HEXB: variants seen among roughly 807,000 people sequenced by gnomAD.
HEXB encodes beta-hexosaminidase subunit beta.
Under a neutral mutation model 71.2 loss-of-function variants are expected in HEXB, and 51 were observed. The observed-to-expected ratio is 0.72, with a 90% confidence interval of 0.57 to 0.90. The LOEUF (loss-of-function observed/expected upper bound fraction) is 0.90, where lower values mean the gene tolerates loss of function less well. HEXB is among the 40% of genes least tolerant of loss of function. The pLI, the probability that HEXB is intolerant of heterozygous loss-of-function variation, is 0.00. For missense variants in HEXB, 617 were observed against 677.0 expected, an observed-to-expected ratio of 0.91 and a Z score of 0.98; for synonymous variants, 266 against 249.3, an observed-to-expected ratio of 1.07 and a Z score of -0.63.
chr5:74,716,429 T>TA (rs971654753), intron 8 of HEXB, among the ~76,000 whole-genome samples, 158 bp from the exon 9 acceptor site: 1 of 152,232 alleles, frequency 6.6e-6, no homozygotes, highest in African/African-American at 2.4e-5. Context: ...AATGGATAAT[T>TA]AAGATAACTT....
At chr5:74,644,605 A>T (rs7721318) in intron 1 of HEXB, among the ~76,000 whole-genome samples, 125,154 of 152,070 alleles carry the variant, frequency 0.82, 52,031 homozygotes, top group African/African-American at 0.95. Flanking sequence ...ATTTTATAAA[A>T]CAGTTATCAC....
At chr5:74,716,082 C>T (rs1455965883) in intron 8 of HEXB, among the ~76,000 whole-genome samples, 1 of 150,176 alleles carries the variant, frequency 6.7e-6, no homozygotes, top group Non-Finnish European at 1.5e-5. Flanking sequence ...CTGTAGAGGG[C>T]TCCACACCAT....
Position 74,652,633 on chromosome 5 carries a change from T to C in HEXB, c.-377+12075T>C, listed in dbSNP as rs1748140309. ...TTTGGTGGAAACTTCATTTGAGTCA[T>C]GTAAGGGATTCCCTCCCTTACCCCC... is the stretch of plus-strand genomic sequence containing the variant. On this transcript the variant is annotated intron_variant, in intron 1 of 13. Coordinates refer to the HEXB transcript ENST00000511181. The surrounding 1 kb of genome is among the most constrained non-coding windows in gnomAD (Gnocchi z 5.4). Among the ~76,000 whole-genome samples the C allele has an allele frequency of 6.6e-6, 1 of 152,312 alleles. No individual in the cohort carries two copies. The highest frequency in any genetic ancestry group is 2.1e-4 in the South Asian group (1 of 4,818).
Position 74,644,121 on chromosome 5 carries a change from C to T in HEXB, c.-377+3563C>T, listed in dbSNP as rs541296153. ...ACACCTCCCAGTAGCACATATGTTG[C>T]GATCAACATCCCTGAAGGGGAAGGG... On this transcript the variant is annotated intron_variant, in intron 1 of 13. Transcript: ENST00000511181. Among the ~76,000 whole-genome samples the T allele has an allele frequency of 6.2e-4, 95 of 152,258 alleles. 2 individuals carry two copies. The highest frequency in any genetic ancestry group is 2.2e-3 in the African/African-American group (90 of 41,530).
intron 5 of HEXB, among the ~76,000 whole-genome samples, chr5:74,699,057 C>T (rs563085578): frequency 2.0e-5 from 3 of 151,840 alleles, no homozygotes; most frequent in South Asian, 2.1e-4. Flanking sequence ...TGGTGGTGCA[C>T]GCCTGTAATT....
At chr5:74,661,551 GTGTGTGTGTGTGTCTCTCTC>G (rs1485181418) in intron 1 of HEXB, among the ~76,000 whole-genome samples, 9 of 63,636 alleles carry the variant, frequency 1.4e-4, no homozygotes, top group Admixed American at 7.8e-4. Flanking sequence ...GTGTGTGTGT[GTGTGTGTGTGTGTCTCTCTC>G]TCTCTCTCTC....
intron 7 of HEXB, among the ~76,000 whole-genome samples, chr5:74,713,909 T>C (rs1452497386): frequency 6.6e-6 from 1 of 151,964 alleles, no homozygotes; most frequent in Non-Finnish European, 1.5e-5. Flanking sequence ...GGCATGATTT[T>C]GGCTCACTAC....
chr5:74,699,475 A>T (rs565312124), intron 5 of HEXB, among the ~76,000 whole-genome samples: 1 of 152,090 alleles, frequency 6.6e-6, no homozygotes, highest in South Asian at 2.1e-4. Flanking sequence ...GGGTTTCACC[A>T]TGTTGGTCAG....
chr5:74,697,812 T>G (rs900907126), intron 5 of HEXB, among the ~76,000 whole-genome samples: 17 of 151,732 alleles, frequency 1.1e-4, no homozygotes, highest in African/African-American at 4.1e-4. Flanking sequence ...CACCTCTTAC[T>G]TTTTTTGTAA....
rs1749746960 is a variant in HEXB at position 74,719,101 on chromosome 5, T to C, written c.1417+130T>C. 13 of 795,026 alleles carry C rather than the reference T, an allele frequency of 1.6e-5. No individual in the cohort carries two copies. The South Asian group carries it at 1.9e-4, about 11-fold the overall frequency. 49.2% of individuals were successfully genotyped at this position (795,026 alleles called of 1,614,324 possible). On this transcript the variant is annotated intron_variant, in intron 11 of 13. Coordinates refer to ENST00000261416, the MANE Select transcript of HEXB (RefSeq NM_000521.4). ...CACCCCAGAAGTCTTTACCTAGATA[T>C]TACCTACCAACTATCTTTTATGTTT...
chr5:74,642,460 T>C (rs1167246227), intron 1 of HEXB, among the ~76,000 whole-genome samples: 1 of 152,120 alleles, frequency 6.6e-6, no homozygotes, highest in Non-Finnish European at 1.5e-5. Flanking sequence ...GCTGAAAAGA[T>C]GGGAGGCGGA....
chr5:74,686,115 T>C (rs1748865874), intron 1 of HEXB, among the ~76,000 whole-genome samples: 1 of 151,024 alleles, frequency 6.6e-6, no homozygotes, highest in Non-Finnish European at 1.5e-5. Flanking sequence ...CATGTTTGCA[T>C]CTGACTACGT....
chr5:74,701,627 TG>T (rs1389287771), intron 5 of HEXB, among the ~76,000 whole-genome samples: 1 of 152,138 alleles, frequency 6.6e-6, no homozygotes, highest in Non-Finnish European at 1.5e-5. Context: ...TTTTTGTTTT[TG>T]TTTGTATTTT....
At chr5:74,671,246 G>A (rs751384933) in intron 1 of HEXB, among the ~76,000 whole-genome samples, 13 of 152,026 alleles carry the variant, frequency 8.6e-5, no homozygotes, top group Admixed American at 5.2e-4. Flanking sequence ...CAGACCTTAC[G>A]TCCACTGAAC....
intron 1 of HEXB, among the ~76,000 whole-genome samples, chr5:74,663,434 A>G (rs1665890): frequency 0.67 from 102,305 of 151,782 alleles, 35,466 homozygotes; most frequent in African/African-American, 0.84. Flanking sequence ...CAGGTGATCC[A>G]CCCGCCTCGG....
intron 9 of HEXB, among the ~76,000 whole-genome samples, chr5:74,717,554 C>T (rs569790516): frequency 6.6e-6 from 1 of 151,476 alleles, no homozygotes; most frequent in Admixed American, 6.6e-5. Flanking sequence ...GATTGGCAAA[C>T]TTTTTCTGTA....
At chr5:74,704,454 C>T (rs1340894497) in intron 5 of HEXB, among the ~76,000 whole-genome samples, 1 of 151,842 alleles carries the variant, frequency 6.6e-6, no homozygotes, top group Non-Finnish European at 1.5e-5. Context: ...AAATTAATAA[C>T]TCAATTTGCC....
At chr5:74,708,575 G>A (rs1262985036) in intron 6 of HEXB, among the ~76,000 whole-genome samples, 21 of 152,172 alleles carry the variant, frequency 1.4e-4, no homozygotes, top group Admixed American at 6.6e-4. Flanking sequence ...ACATAGGCTC[G>A]ATATAAAAGG....
At chr5:74,662,835 G>T (rs1023879745) in intron 1 of HEXB, among the ~76,000 whole-genome samples, 3 of 152,156 alleles carry the variant, frequency 2.0e-5, no homozygotes, top group Non-Finnish European at 4.4e-5. Flanking sequence ...TCCTAGAGCA[G>T]AAACAAACCT....
Sources: allele counts gnomAD v4.1 joint callset (sites outside exome capture counted in the v4.1 genomes callset), GRCh38; gene constraint gnomAD v4.1.1; non-coding constraint Gnocchi (gnomAD v3.1); transcripts MANE v1.5; gene names NCBI Gene and HGNC (gene_info 2026-07-23, HGNC 2026-07-21).